LMBR1L: variants seen among roughly 807,000 people sequenced by gnomAD.
The protein encoded by LMBR1L is protein LMBR1L.
In LMBR1L, 47 loss-of-function variants were observed where a neutral mutation model predicts 67.3. That is an observed-to-expected ratio of 0.70 (90% CI 0.55 to 0.89). LMBR1L has a LOEUF of 0.89. LMBR1L is among the 40% of genes least tolerant of loss of function. The pLI, the probability that LMBR1L is intolerant of heterozygous loss-of-function variation, is 0.00. For synonymous variants in LMBR1L, 247 were observed against 250.3 expected, an observed-to-expected ratio of 0.99 and a Z score of 0.13; for missense variants, 533 against 599.2, an observed-to-expected ratio of 0.89 and a Z score of 1.15.
In LMBR1L at chr12:49,097,967, C is replaced by T. The variant is rs762720775; in HGVS notation, c.1379G>A (p.Arg460Gln). 9 of 1,613,464 alleles carry T rather than the reference C, an allele frequency of 5.6e-6. No homozygotes were observed. Among genetic ancestry groups the T allele is most frequent in the South Asian group, 3.3e-5 (3 of 91,070 alleles). ...CLVKTFTAAV[R>Q]AELIRAFGLD... ...ACCAAAGGCCCGGATCAGCTCTGCC[C>T]GCACAGCTGCAGTGAAGGTCTTCAC... Residue 460 changes from arginine to glutamine, a missense_variant, in exon 16 of 17, where the codon CGG becomes CAG. By Grantham distance (43) the Arg-to-Gln change is conservative. Around this residue, in one of 3 missense-constraint regions of LMBR1L, gnomAD observed 223 missense variants for 241.2 expected, o/e 0.92. Coordinates refer to ENST00000267102, the MANE Select transcript of LMBR1L (RefSeq NM_018113.4).
At chr12:49,105,466 A>C (rs768077717) in intron 3 of LMBR1L, among the ~76,000 whole-genome samples, 1 of 152,138 alleles carries the variant, frequency 6.6e-6, no homozygotes, top group Non-Finnish European at 1.5e-5. Context: ...CTATTGACTC[A>C]AAGGAGTCAT....
At chr12:49,104,012 G>C in intron 5 of LMBR1L, 199 bp from the exon 6 acceptor site, 2 of 563,160 alleles carry the variant, frequency 3.6e-6, no homozygotes, top group Non-Finnish European at 6.2e-6. Flanking sequence ...TTCTTCATTT[G>C]CATCTCCTTT....
intron 13 of LMBR1L, 122 bp downstream of exon 13, chr12:49,101,128 C>T (rs1422723650): frequency 2.5e-6 from 4 of 1,588,812 alleles, no homozygotes; most frequent in African/African-American, 1.4e-5. Flanking sequence ...TGAAAACTTG[C>T]CCCACTTCCC....
intron 13 of LMBR1L, 42 bp downstream of exon 13, chr12:49,101,208 G>C: frequency 6.2e-7 from 1 of 1,614,058 alleles, no homozygotes; most frequent in South Asian, 1.1e-5. Context: ...CCAGGAGACA[G>C]GTTTGCTGAA....
At chr12:49,110,231 G>C in intron 1 of LMBR1L, 1 of 576,542 alleles carries the variant, frequency 1.7e-6, no homozygotes, top group Non-Finnish European at 3.1e-6. Flanking sequence ...GTGAGGGGTG[G>C]GAGGGAGGGG....
At chr12:49,110,397 A>T in intron 1 of LMBR1L, 87 bp downstream of exon 1, 1 of 1,308,548 alleles carries the variant, frequency 7.6e-7, no homozygotes, top group Non-Finnish European at 1.1e-6. Flanking sequence ...GCATGGTTTG[A>T]CGGCACTCTG....
At position 49,105,829 on chromosome 12, in the gene LMBR1L, T is replaced by C. The variant is rs568766310; in HGVS notation, c.191+95A>G. Reference sequence around the variant, plus strand: ...GGAAACAGAAACTCTCTCTTCACTGTGTGAGACTTCCCCCTTCTCCCTCCA... The same window carrying C: ...GGAAACAGAAACTCTCTCTTCACTGCGTGAGACTTCCCCCTTCTCCCTCCA... On this transcript the variant is annotated intron_variant, in intron 3 of 16. Transcript: ENST00000267102. The C allele has an allele frequency of 4.9e-4, 504 of 1,018,496 alleles. 11 individuals carry two copies. The South Asian group carries it at 6.8e-3, about 14-fold the overall frequency. The allele number at this position is 1,018,496 out of a possible 1,614,324, so 63.1% of individuals were successfully genotyped here.
At position 49,104,849 on chromosome 12, in the gene LMBR1L, C is replaced by T; in HGVS notation, c.228G>A (p.Leu76=). 6.2e-7 allele frequency: 1 copy of T among 1,613,522 alleles called. No individual in the cohort carries two copies. The highest frequency in any genetic ancestry group is 8.5e-7 in the Non-Finnish European group (1 of 1,179,786). ...AGAAGGGCAGGAGCAGGACAGCACC[C>T]AGGGCAATTGCCAGGGTAAAGGTGC... ...ELCTFTLAIA[L]GAVLLLPFSI... The change falls in exon 4 of 17, where the codon CTG becomes CTA. Residue 76 remains leucine (L), a synonymous_variant. Transcript: ENST00000267102.
At chr12:49,104,953 A>G in intron 3 of LMBR1L, 68 bp from the exon 4 acceptor site, 1 of 1,533,560 alleles carries the variant, frequency 6.5e-7, no homozygotes, top group South Asian at 1.2e-5. Flanking sequence ...AAGAAGCCCC[A>G]TTTGTCCTGA....
At chr12:49,110,289 ATC>A (rs1941400672) in intron 1 of LMBR1L, 193 bp downstream of exon 1, 1 of 609,212 alleles carries the variant, frequency 1.6e-6, no homozygotes, top group Admixed American at 2.8e-5. Flanking sequence ...GCCTTTGTTT[ATC>A]GCTCAGGGAC....
chr12:49,110,380 G>T (rs928865612), intron 1 of LMBR1L, 104 bp downstream of exon 1: 11 of 1,130,438 alleles, frequency 9.7e-6, no homozygotes, highest in Non-Finnish European at 1.5e-5. Context: ...GCCCGCCGCT[G>T]GCCCAGGCAT....
rs1204456123 is a variant in LMBR1L, at chr12:49,097,607, T to A, written c.*65A>T. ...TCCTGAGGTCCAAGTAGCCTTGGGC[T>A]TCCCTCCAGGCCTAGGCAGCAGATG... On this transcript the variant is annotated 3_prime_UTR_variant, in exon 17 of 17. Transcript: ENST00000267102. 8 of 1,541,034 alleles carry A rather than the reference T, an allele frequency of 5.2e-6. No individual in the cohort carries two copies. Among genetic ancestry groups the A allele is most frequent in the Non-Finnish European group, 7.2e-6 (8 of 1,118,832 alleles).
intron 13 of LMBR1L, 72 bp downstream of exon 13, chr12:49,101,178 G>C (rs1412854344): frequency 6.2e-7 from 1 of 1,613,266 alleles, no homozygotes; most frequent in East Asian, 2.2e-5. Flanking sequence ...CAAAGTCCAA[G>C]AAGTGCTCGG....
In LMBR1L at chr12:49,097,664, G is replaced by A. The variant is rs574819296; in HGVS notation, c.*8C>T. 3 of 1,613,082 alleles carry A rather than the reference G, an allele frequency of 1.9e-6. No homozygotes were observed. Among genetic ancestry groups the A allele is most frequent in the South Asian group, 2.2e-5 (2 of 91,030 alleles). On this transcript the variant is annotated 3_prime_UTR_variant, in exon 17 of 17. Transcript: ENST00000267102. The stretch of plus-strand genomic sequence containing the variant: ...TCCAGTTTTTTCCTTCCCACCCCCA[G>A]CTGGAGGTCACTGGTGCTGGGTCTT...
Position 49,100,458 on chromosome 12 carries a change from G to A in LMBR1L, c.1174-4C>T, listed in dbSNP as rs1592201673. 2 of 1,613,612 alleles carry A rather than the reference G, an allele frequency of 1.2e-6. No homozygotes were observed. Among genetic ancestry groups the A allele is most frequent in the Admixed American group, 3.3e-5 (2 of 60,016 alleles). Reference sequence around the variant, plus strand: ...GACAGACACAGTTCCCAATTATCTGGGTGGAAGCAGGGAAAGGAGAGGTGA... The same window carrying A: ...GACAGACACAGTTCCCAATTATCTGAGTGGAAGCAGGGAAAGGAGAGGTGA... On this transcript the variant is annotated splice_region_variant and splice_polypyrimidine_tract_variant and intron_variant, in intron 14 of 16. Coordinates refer to ENST00000267102, the MANE Select transcript of LMBR1L (RefSeq NM_018113.4).
intron 15 of LMBR1L, among the ~76,000 whole-genome samples, chr12:49,099,581 C>CTTTT (rs869070798): frequency 7.1e-6 from 1 of 139,922 alleles, no homozygotes; most frequent in Non-Finnish European, 1.6e-5. Flanking sequence ...CACTCTTGAA[C>CTTTT]TTTTTTTTTT....
chr12:49,102,275 C>A lies in LMBR1L; in HGVS notation c.853+18G>T, dbSNP rs927377513. On this transcript the variant is annotated intron_variant, in intron 10 of 16. Coordinates refer to ENST00000267102, the MANE Select transcript of LMBR1L (RefSeq NM_018113.4). Reference sequence around the variant, plus strand: ...CTTGGGGAAACCCAGGTATCCCAAGCCCTACGAAGCCACATACCCAGCAGG... The same window carrying A: ...CTTGGGGAAACCCAGGTATCCCAAGACCTACGAAGCCACATACCCAGCAGG... 9 of 1,613,786 alleles carry A rather than the reference C, an allele frequency of 5.6e-6. No homozygotes were observed. Among genetic ancestry groups the A allele is most frequent in the Non-Finnish European group, 7.6e-6 (9 of 1,179,662 alleles).
At chr12:49,107,990 C>A (rs1457533996) in intron 1 of LMBR1L, among the ~76,000 whole-genome samples, 2 of 152,006 alleles carry the variant, frequency 1.3e-5, no homozygotes, top group Non-Finnish European at 2.9e-5. Flanking sequence ...TTGGGCTGGG[C>A]GTTGAGGCTC....
At chr12:49,107,186 T>C in intron 1 of LMBR1L, 141 bp from the exon 2 acceptor site, 1 of 618,160 alleles carries the variant, frequency 1.6e-6, no homozygotes, top group Non-Finnish European at 2.8e-6. Flanking sequence ...GGAAGTATGT[T>C]CTGTTCTGAT....
Sources: allele counts gnomAD v4.1 joint callset (sites outside exome capture counted in the v4.1 genomes callset), GRCh38; gene constraint gnomAD v4.1.1; regional missense constraint gnomAD v4.1.1; transcripts MANE v1.5; gene names NCBI Gene and HGNC (gene_info 2026-07-23, HGNC 2026-07-21).